Variants in DLG2 observed in about 807,000 individuals in gnomAD.
DLG2 encodes the protein discs large MAGUK scaffold protein 2.
In DLG2, 45 loss-of-function variants were observed where a neutral mutation model predicts 132.5. That is an observed-to-expected ratio of 0.34 (90% confidence interval 0.27 to 0.44). The LOEUF is 0.44. Ranked by LOEUF, DLG2 falls within the 20% of genes least tolerant of loss-of-function variation. The pLI, the probability that DLG2 is intolerant of heterozygous loss-of-function variation, is 1.00. For synonymous variants in DLG2, 424 were observed against 419.6 expected (o/e 1.01, Z -0.13); for missense variants, 1,045 against 1,196.9 (o/e 0.87, Z 1.87).
Position 83,904,812 on chromosome 11 carries a change from G to A in DLG2, c.1496+25516C>T, listed in dbSNP as rs1596220280. Among the ~76,000 whole-genome samples, 12 of 152,188 alleles carry A rather than the reference G, an allele frequency of 7.9e-5. 1 individual carries two copies. In the South Asian group the frequency reaches 2.5e-3, roughly 32 times the overall value. On this transcript the variant is annotated intron_variant, in intron 15 of 27. Coordinates refer to ENST00000376104, the MANE Select transcript of DLG2 (RefSeq NM_001142699.3). ...CCACTTGCATGTGCAGGCATCACCT[G>A]GCCTTCTTTGTGTTGCACTGTGGGA...
intron 15 of DLG2, among the ~76,000 whole-genome samples, chr11:83,924,236 T>G (rs1488666094): frequency 9.9e-5 from 15 of 152,170 alleles, no homozygotes; most frequent in African/African-American, 3.6e-4. Flanking sequence ...AATTTGTATT[T>G]GATTTTGTAT....
At chr11:83,593,163 T>C (rs2097216967) in intron 19 of DLG2, among the ~76,000 whole-genome samples, 1 of 142,930 alleles carries the variant, frequency 7.0e-6, no homozygotes, top group Non-Finnish European at 1.5e-5. Flanking sequence ...CAAAGGACTA[T>C]AAATCTTGCT....
intron 6 of DLG2, among the ~76,000 whole-genome samples, chr11:85,089,167 G>A (rs1238081817): frequency 6.6e-6 from 1 of 151,728 alleles, no homozygotes; most frequent in Non-Finnish European, 1.5e-5. Flanking sequence ...ACGTACATGT[G>A]CAGGTATGTT....
At chr11:83,627,663 G>A (rs1046835884) in intron 19 of DLG2, among the ~76,000 whole-genome samples, 28 of 152,124 alleles carry the variant, frequency 1.8e-4, no homozygotes, top group African/African-American at 3.4e-4. Context: ...GAATAGTGCC[G>A]CAATAAACAT....
chr11:84,384,691 C>T (rs935876962), intron 7 of DLG2, among the ~76,000 whole-genome samples: 9 of 151,906 alleles, frequency 5.9e-5, no homozygotes, highest in South Asian at 4.2e-4. Flanking sequence ...AAGATAACTC[C>T]GAAATGCATT....
chr11:83,994,070 T>C (rs572939075), intron 11 of DLG2, among the ~76,000 whole-genome samples: 5 of 152,122 alleles, frequency 3.3e-5, no homozygotes, highest in Admixed American at 2.0e-4. Context: ...AACTTAAAAG[T>C]ACTCTCTCTC....
At chr11:84,687,289 A>G (rs1212039842) in intron 6 of DLG2, 1 of 152,130 alleles carries the variant, frequency 6.6e-6, no homozygotes, top group Non-Finnish European at 1.5e-5. Context: ...TGTAAAACAT[A>G]ACGACATAAC....
In DLG2 at chr11:84,883,122, T is replaced by C. The variant is rs574547603; in HGVS notation, c.357+228539A>G. ...GGCACATATACATCATGGAATACTA[T>C]GCAGCCATAAAAAAGGATGAGTTCA... On this transcript the variant is annotated intron_variant, in intron 6 of 27. Transcript: ENST00000376104. 6.6e-5 allele frequency among the ~76,000 whole-genome samples: 10 copies of C among 152,270 alleles called. No individual in the cohort carries two copies. In the South Asian group the frequency reaches 2.1e-3, roughly 32 times the overall value.
At chr11:85,522,435 C>A (rs2074388640) in intron 3 of DLG2, among the ~76,000 whole-genome samples, 1 of 152,170 alleles carries the variant, frequency 6.6e-6, no homozygotes, top group Non-Finnish European at 1.5e-5. Flanking sequence ...TTGGAGCCCC[C>A]ATACAGAATC....
chr11:83,685,871 A>T (rs187883820), intron 18 of DLG2, among the ~76,000 whole-genome samples: 43 of 152,246 alleles, frequency 2.8e-4, no homozygotes, highest in African/African-American at 9.6e-4. Context: ...CACCATTTAA[A>T]TAAATGGCGC....
chr11:83,639,143 A>G (rs1591464911), intron 18 of DLG2, among the ~76,000 whole-genome samples: 2 of 152,286 alleles, frequency 1.3e-5, no homozygotes, highest in Middle Eastern at 6.8e-3. Context: ...GAGATAAGAA[A>G]ACAATACACT....
intron 7 of DLG2, among the ~76,000 whole-genome samples, chr11:84,342,290 A>T (rs577024223): frequency 7.2e-5 from 11 of 152,332 alleles, no homozygotes; most frequent in African/African-American, 2.6e-4. Context: ...TACCAGCACC[A>T]GAAAGGAATG....
chr11:84,897,838 G>C (rs2090401738), intron 6 of DLG2, among the ~76,000 whole-genome samples: 1 of 151,682 alleles, frequency 6.6e-6, no homozygotes. Flanking sequence ...TACTGGATCT[G>C]GCCGTGTAAA....
chr11:84,569,314 A>T (rs2099471063), intron 6 of DLG2, among the ~76,000 whole-genome samples: 2 of 152,222 alleles, frequency 1.3e-5, no homozygotes, highest in Admixed American at 6.5e-5. Context: ...CGGACAACAT[A>T]CAAGAACAAA....
rs1460285770 is a variant in DLG2 at position 83,954,812 on chromosome 11, C to T, written c.1340+8073G>A. 3.3e-5 allele frequency among the ~76,000 whole-genome samples: 5 copies of T among 152,234 alleles called. No individual in the cohort carries two copies. The South Asian group carries it at 8.3e-4, about 25-fold the overall frequency. ...ATACCATATTTGCTTCCACTGATTT[C>T]TGTATTAGATTTTCATTGCAGCTGG... On this transcript the variant is annotated intron_variant, in intron 14 of 27. Coordinates refer to ENST00000376104, the MANE Select transcript of DLG2 (RefSeq NM_001142699.3).
At chr11:83,525,415 G>A (rs2095582778) in intron 21 of DLG2, among the ~76,000 whole-genome samples, 1 of 152,142 alleles carries the variant, frequency 6.6e-6, no homozygotes, top group African/African-American at 2.4e-5. Flanking sequence ...TTGGGCTATT[G>A]AAGCTGCAAA....
chr11:84,623,797 T>C (rs1040422802), intron 6 of DLG2, among the ~76,000 whole-genome samples: 49 of 152,204 alleles, frequency 3.2e-4, no homozygotes, highest in African/African-American at 1.1e-3. Context: ...CCTACCACCA[T>C]AGTATACATA....
chr11:85,349,784 G>A (rs184365453), intron 3 of DLG2, among the ~76,000 whole-genome samples: 1 of 152,218 alleles, frequency 6.6e-6, no homozygotes, highest in East Asian at 1.9e-4. Flanking sequence ...GTGTATATGT[G>A]CCACATTTTC....
intron 6 of DLG2, among the ~76,000 whole-genome samples, chr11:84,581,871 C>T (rs911489549): frequency 7.0e-6 from 1 of 142,340 alleles, no homozygotes; most frequent in African/African-American, 2.6e-5. Context: ...TGCCTCATTG[C>T]ACTCTAGCCT....
Sources: allele counts gnomAD v4.1 joint callset (sites outside exome capture counted in the v4.1 genomes callset), GRCh38; gene constraint gnomAD v4.1.1; transcripts MANE v1.5; gene names NCBI Gene and HGNC (gene_info 2026-07-23, HGNC 2026-07-21).